The following ELP3 variants were observed in gnomAD, a reference collection of about 807,000 sequenced individuals.
ELP3 encodes elongator acetyltransferase complex subunit 3.
A neutral mutation model predicts 74.9 loss-of-function variants in ELP3; 56 were observed. That is an observed-to-expected ratio of 0.75 (90% confidence interval 0.60 to 0.93). ELP3 has a LOEUF of 0.93. Ranked by LOEUF, ELP3 falls within the 40% of genes least tolerant of loss-of-function variation. The pLI is 0.00. For missense variants in ELP3, 573 were observed against 686.5 expected (o/e 0.83, Z 1.85); for synonymous variants, 222 against 239.8 (o/e 0.93, Z 0.68).
At chr8:28,159,151 T>C (rs1813965196) in intron 12 of ELP3, among the ~76,000 whole-genome samples, 1 of 152,200 alleles carries the variant, frequency 6.6e-6, no homozygotes, top group African/African-American at 2.4e-5. Context: ...AAATTAAGCA[T>C]AATGCCTTAA....
intron 1 of ELP3, 168 bp downstream of exon 1, chr8:28,093,401 C>T (rs1811123946): frequency 1.1e-6 from 1 of 945,386 alleles, no homozygotes; most frequent in East Asian, 2.6e-5. Flanking sequence ...TCTCGTTTTT[C>T]CTGTTTTGCT....
chr8:28,148,509 C>A (rs1490419680), intron 10 of ELP3, among the ~76,000 whole-genome samples: 1 of 152,180 alleles, frequency 6.6e-6, no homozygotes, highest in Non-Finnish European at 1.5e-5. Flanking sequence ...AAACACTAGA[C>A]ACATCCAGTG....
intron 11 of ELP3, 45 bp from the exon 12 acceptor site, chr8:28,158,523 C>A (rs761961184): frequency 2.5e-6 from 3 of 1,201,308 alleles, no homozygotes; most frequent in Non-Finnish European, 3.7e-6. Context: ...TATATTTGTA[C>A]CCCTCCCACC....
chr8:28,172,858 G>A (rs1404794484), intron 14 of ELP3, among the ~76,000 whole-genome samples: 1 of 151,960 alleles, frequency 6.6e-6, no homozygotes, highest in Admixed American at 6.6e-5. Flanking sequence ...TGGGTTGTGA[G>A]TTTTGTCAAA....
chr8:28,162,670 A>C (rs1380825770), intron 14 of ELP3, among the ~76,000 whole-genome samples: 2 of 152,240 alleles, frequency 1.3e-5, no homozygotes, highest in African/African-American at 2.4e-5. Context: ...CATTTATTGC[A>C]TATAAATTTT....
At chr8:28,153,860 C>T (rs1183808976) in intron 10 of ELP3, among the ~76,000 whole-genome samples, 1 of 152,164 alleles carries the variant, frequency 6.6e-6, no homozygotes, top group Non-Finnish European at 1.5e-5. Flanking sequence ...ATTAACTTCT[C>T]AGTGACCAGT....
intron 7 of ELP3, among the ~76,000 whole-genome samples, chr8:28,128,701 C>T (rs1314724347): frequency 1.3e-5 from 2 of 152,184 alleles, no homozygotes; most frequent in African/African-American, 4.8e-5. Context: ...ATAGGACACA[C>T]TTCATAGAGC....
chr8:28,097,264 T>G lies in ELP3; in HGVS notation c.65T>G (p.Val22Gly). Residue 22 changes from valine to glycine, a missense_variant, in exon 2 of 15, where the codon GTT becomes GGT. Transcript: ENST00000256398. Reference sequence around the variant, plus strand: ...CTGATGATGCTGACTATAGGAGATGTTATTAAACAACTGATTGAAGCCCAC... The same window carrying G: ...CTGATGATGCTGACTATAGGAGATGGTATTAAACAACTGATTGAAGCCCAC... Reference protein sequence around the residue: ...AELMMLTIGDVIKQLIEAHEQ... With the variant: ...AELMMLTIGDGIKQLIEAHEQ... 1 of 1,614,090 alleles carries G rather than the reference T, an allele frequency of 6.2e-7. No homozygotes were observed. The highest frequency in any genetic ancestry group is 2.2e-5 in the East Asian group (1 of 44,870).
chr8:28,173,786 A>T (rs1448939355), intron 14 of ELP3, among the ~76,000 whole-genome samples: 1 of 151,764 alleles, frequency 6.6e-6, no homozygotes. Context: ...GCATCCTATA[A>T]GTTTGGAATG....
chr8:28,091,213 T>C (rs1439518637), upstream of ELP3, among the ~76,000 whole-genome samples: 3 of 152,096 alleles, frequency 2.0e-5, no homozygotes, highest in Admixed American at 2.0e-4. Context: ...GCCGTAAATG[T>C]TTCTTATCAG....
intron 7 of ELP3, among the ~76,000 whole-genome samples, chr8:28,127,357 C>T (rs1812619531): frequency 6.6e-6 from 1 of 152,164 alleles, no homozygotes; most frequent in Admixed American, 6.5e-5. Flanking sequence ...CGCTTGCTAA[C>T]TTAATGGTAT....
At chr8:28,142,345 C>T (rs1168986061) in intron 10 of ELP3, among the ~76,000 whole-genome samples, 1 of 152,118 alleles carries the variant, frequency 6.6e-6, no homozygotes, top group Admixed American at 6.5e-5. Flanking sequence ...AGAATTGGCC[C>T]ATAGGAGAGT....
chr8:28,094,183 A>G (rs1256160826), intron 1 of ELP3, among the ~76,000 whole-genome samples: 2 of 152,312 alleles, frequency 1.3e-5, no homozygotes, highest in East Asian at 1.9e-4. Flanking sequence ...TTCTCAATCT[A>G]CCAGGATTCT....
Position 28,093,193 on chromosome 8 carries a change from G to GCTCTGCTA in ELP3, c.-20_-13dup. 9 of 1,612,506 alleles carry GCTCTGCTA rather than the reference G, an allele frequency of 5.6e-6. No homozygotes were observed. The highest frequency in any genetic ancestry group is 5.9e-6 in the Non-Finnish European group (7 of 1,179,748). ...TGTGGCTGCATTTTTATCTCTGGTG[G>GCTCTGCTA]CTCTGCTACGGCGGCGCAGAAATGA... On this transcript the variant is annotated 5_prime_UTR_variant, in exon 1 of 15. Transcript: ENST00000256398.
rs114630234 is a variant in ELP3 at position 28,116,417 on chromosome 8, T to C, written c.617+3244T>C. On this transcript the variant is annotated intron_variant, in intron 7 of 14. Transcript: ENST00000256398. Reference sequence around the variant, plus strand: ...ACAGGGGCTTTAGTAATAGAGGAGATGGCGACTGCATTGTTACTGCTCGTT... The same window carrying C: ...ACAGGGGCTTTAGTAATAGAGGAGACGGCGACTGCATTGTTACTGCTCGTT... Among the ~76,000 whole-genome samples, 1,480 of 152,262 alleles carry C rather than the reference T, an allele frequency of 9.7e-3. 24 individuals carry two copies. Among genetic ancestry groups the C allele is most frequent in the African/African-American group, 0.033 (1,391 of 41,542 alleles).
chr8:28,170,777 A>G (rs370523858), intron 14 of ELP3, among the ~76,000 whole-genome samples: 3 of 152,172 alleles, frequency 2.0e-5, no homozygotes, highest in South Asian at 2.1e-4. Flanking sequence ...TAAGTGTATA[A>G]ATCAGTGGCA....
chr8:28,183,307 G>A (rs1815094594), intron 14 of ELP3: 1 of 447,584 alleles, frequency 2.2e-6, no homozygotes, highest in Admixed American at 2.4e-5. Flanking sequence ...CTGGTTGAAT[G>A]GGGAAGATAA....
chr8:28,135,283 C>T (rs1812941909), intron 9 of ELP3, among the ~76,000 whole-genome samples: 2 of 152,210 alleles, frequency 1.3e-5, no homozygotes, highest in Admixed American at 1.3e-4. Context: ...GATGGCAAGG[C>T]CTGTGTGCCT....
intron 9 of ELP3, among the ~76,000 whole-genome samples, chr8:28,136,072 G>A (rs575239352): frequency 6.7e-5 from 10 of 150,104 alleles, no homozygotes; most frequent in South Asian, 6.3e-4. Context: ...AGCAATTCTC[G>A]TGCCTCAGCC....
Sources: allele counts gnomAD v4.1 joint callset (sites outside exome capture counted in the v4.1 genomes callset), GRCh38; gene constraint gnomAD v4.1.1; transcripts MANE v1.5; gene names NCBI Gene and HGNC (gene_info 2026-07-23, HGNC 2026-07-21).